Variants in TRAPPC3 observed in about 807,000 individuals in gnomAD.
The protein encoded by TRAPPC3 is trafficking protein particle complex 3.
TRAPPC3 carries 5 observed loss-of-function variants against 18.2 expected under a neutral mutation model. That is an observed-to-expected ratio of 0.28 (90% CI 0.14 to 0.58). The LOEUF (loss-of-function observed/expected upper bound fraction) is 0.58. Among genes scored for constraint, TRAPPC3 ranks in the 20% least tolerant of loss-of-function variants. TRAPPC3 has a pLI of 0.91. For synonymous variants in TRAPPC3, 65 were observed against 84.2 expected, an observed-to-expected ratio of 0.77 and a Z score of 1.25; for missense variants, 176 against 225.9, an observed-to-expected ratio of 0.78 and a Z score of 1.41.
chr1:36,151,812 G>T (rs111699173), upstream of TRAPPC3, among the ~76,000 whole-genome samples: 12 of 152,282 alleles, frequency 7.9e-5, no homozygotes, highest in African/African-American at 2.6e-4. Flanking sequence ...CCTATCAGGG[G>T]CTCTAGACAA....
At chr1:36,139,156 A>ATTTT (rs368101649) in intron 3 of TRAPPC3, among the ~76,000 whole-genome samples, 1 of 115,528 alleles carries the variant, frequency 8.7e-6, no homozygotes, top group Admixed American at 9.9e-5. Flanking sequence ...GTGAGTCTGT[A>ATTTT]TTTTTTTTTT....
upstream of TRAPPC3, among the ~76,000 whole-genome samples, chr1:36,151,917 C>T (rs1192347979): frequency 6.6e-6 from 1 of 152,184 alleles, no homozygotes; most frequent in African/African-American, 2.4e-5. Flanking sequence ...GGGCAGCTGG[C>T]ATCACCAGCC....
chr1:36,150,001 C>T (rs530891093), upstream of TRAPPC3, among the ~76,000 whole-genome samples: 10 of 152,316 alleles, frequency 6.6e-5, no homozygotes, highest in African/African-American at 2.2e-4. Context: ...GACTGCCAAA[C>T]CCCAAATGAT....
rs376293304 is a variant in TRAPPC3 at position 36,148,998 on chromosome 1, C to T, written c.42+339G>A. On this transcript the variant is annotated intron_variant, in intron 1 of 4. Transcript: ENST00000373166. ...AATGTTATCCATCTGATAGGGGCTA[C>T]TCTGCAGATTAACTGAGATGCTGTA... 433 of 1,103,716 alleles carry T rather than the reference C, an allele frequency of 3.9e-4. 4 individuals carry two copies. The East Asian group carries it at 0.011, about 27-fold the overall frequency. 68.4% of individuals were successfully genotyped at this position (1,103,716 alleles called of 1,614,324 possible). A position where few individuals can be genotyped will look rare whatever the true frequency, so the allele number is the denominator to read the frequency against.
At position 36,149,411 on chromosome 1, in the gene TRAPPC3, A is replaced by T; in HGVS notation, c.-33T>A. The T allele has an allele frequency of 1.9e-6, 3 of 1,611,188 alleles. No homozygotes were observed. Among genetic ancestry groups the T allele is most frequent in the Non-Finnish European group, 2.5e-6 (3 of 1,179,466 alleles). ...GCCGCCCCGCCCCACTCGCCTAGCC[A>T]CGGGTTAGCTCGGCGACCCCTGCAG... On this transcript the variant is annotated 5_prime_UTR_variant, in exon 1 of 5. Transcript: ENST00000373166.
At chr1:36,142,786 T>C (rs2124154550) in intron 1 of TRAPPC3, among the ~76,000 whole-genome samples, 1 of 152,242 alleles carries the variant, frequency 6.6e-6, no homozygotes, top group South Asian at 2.1e-4. Context: ...TCCCGGCACT[T>C]TGGGAGGCTG....
At chr1:36,151,000 C>A (rs1347568808), upstream of TRAPPC3, among the ~76,000 whole-genome samples, 1 of 152,230 alleles carries the variant, frequency 6.6e-6, no homozygotes, top group Non-Finnish European at 1.5e-5. Context: ...AGCCACCCAA[C>A]CCCACCCTGC....
upstream of TRAPPC3, among the ~76,000 whole-genome samples, chr1:36,152,124 G>A (rs2124181104): frequency 6.6e-6 from 1 of 152,206 alleles, no homozygotes; most frequent in South Asian, 2.1e-4. Flanking sequence ...TGTGGGAGCA[G>A]CATCCAAGGC....
At chr1:36,155,113 T>C (rs1442302057) in intron 1 of TRAPPC3, among the ~76,000 whole-genome samples, 3 of 152,096 alleles carry the variant, frequency 2.0e-5, no homozygotes, top group Non-Finnish European at 4.4e-5. Flanking sequence ...CTCTGGACAA[T>C]GAAGAACTAG....
chr1:36,153,680 A>AC (rs1201585140), upstream of TRAPPC3, among the ~76,000 whole-genome samples: 1 of 151,584 alleles, frequency 6.6e-6, no homozygotes, highest in African/African-American at 2.4e-5. Flanking sequence ...TTAGAGACAC[A>AC]CCCCCCGCCC....
chr1:36,145,499 G>A (rs79662203), intron 1 of TRAPPC3, among the ~76,000 whole-genome samples: 9,195 of 152,192 alleles, frequency 0.06, 751 homozygotes, highest in East Asian at 0.26. Context: ...GTGCTACTAC[G>A]TAAGTAATGG....
intron 3 of TRAPPC3, among the ~76,000 whole-genome samples, chr1:36,138,903 G>A (rs1644064344): frequency 6.6e-6 from 1 of 151,696 alleles, no homozygotes. Context: ...GGGCATGGTG[G>A]TGCATGCCTG....
chr1:36,145,287 C>G (rs1355251124), intron 1 of TRAPPC3, among the ~76,000 whole-genome samples: 2 of 152,042 alleles, frequency 1.3e-5, no homozygotes, highest in Non-Finnish European at 2.9e-5. Flanking sequence ...CCTCCACCTC[C>G]CAAAGTGCAG....
intron 1 of TRAPPC3, chr1:36,140,437 C>G (rs536473647): frequency 3.2e-6 from 1 of 311,304 alleles, no homozygotes; most frequent in Admixed American, 4.9e-5. Context: ...TTCTGCCAAC[C>G]CAAGTCTCCA....
chr1:36,142,376 G>T (rs1362492586), intron 1 of TRAPPC3, among the ~76,000 whole-genome samples: 2 of 152,198 alleles, frequency 1.3e-5, no homozygotes, highest in African/African-American at 4.8e-5. Flanking sequence ...CCAGTCCAGA[G>T]AATTGGCACC....
intron 3 of TRAPPC3, among the ~76,000 whole-genome samples, chr1:36,138,429 C>T (rs1351761865): frequency 6.6e-6 from 1 of 152,178 alleles, no homozygotes; most frequent in Non-Finnish European, 1.5e-5. Context: ...AAGTCCTACC[C>T]TATCCACCCT....
Position 36,136,594 on chromosome 1 carries a change from G to A in TRAPPC3, c.*609C>T, listed in dbSNP as rs1251678396. 1 of 152,652 alleles carries A rather than the reference G, an allele frequency of 6.6e-6. No individual in the cohort carries two copies. Among genetic ancestry groups the A allele is most frequent in the East Asian group, 1.9e-4 (1 of 5,202 alleles). 9.5% of individuals were successfully genotyped at this position (152,652 alleles called of 1,614,324 possible). On this transcript the variant is annotated 3_prime_UTR_variant, in exon 5 of 5. Coordinates refer to ENST00000373166, the MANE Select transcript of TRAPPC3 (RefSeq NM_014408.5). ...TGATTGGGATTTCACTCAAGAATGTGTCTTTATTGAAGAATTTGTAAGAAA... is the reference window on the plus strand; with the variant it reads ...TGATTGGGATTTCACTCAAGAATGTATCTTTATTGAAGAATTTGTAAGAAA...
chr1:36,150,803 T>C (rs1246204944), upstream of TRAPPC3, among the ~76,000 whole-genome samples: 2 of 151,832 alleles, frequency 1.3e-5, no homozygotes, highest in Non-Finnish European at 2.9e-5. Context: ...TTGGTTGGGG[T>C]TGGGGGAGGA....
At chr1:36,140,202 G>T in intron 1 of TRAPPC3, 36 bp from the exon 2 acceptor site, 1 of 1,382,224 alleles carries the variant, frequency 7.2e-7, no homozygotes, top group Non-Finnish European at 9.8e-7. Flanking sequence ...GGACCAAGCA[G>T]CACAAAAGAG....
Sources: gnomAD v4.1 joint callset for allele counts (sites outside exome capture counted in the v4.1 genomes callset) on GRCh38, gnomAD v4.1.1 for gene constraint, MANE v1.5 for transcripts, NCBI Gene and HGNC (gene_info 2026-07-23, HGNC 2026-07-21) for gene names.